IMPA2: variants seen among roughly 807,000 people sequenced by gnomAD.
IMPA2 encodes the protein inositol monophosphatase 2.
Under a neutral mutation model 35.1 loss-of-function variants are expected in IMPA2, and 32 were observed. The observed-to-expected ratio is 0.91, with a 90% CI of 0.69 to 1.23. The LOEUF (loss-of-function observed/expected upper bound fraction) is 1.23, where lower values mean the gene tolerates loss of function less well. Among genes scored for constraint, IMPA2 ranks in the 50% most tolerant of loss-of-function variants. The probability of loss-of-function intolerance (pLI) is 0.00; values close to 1 mark genes in which losing one functional copy is unlikely to be tolerated. For missense variants in IMPA2, 334 were observed against 387.6 expected, an observed-to-expected ratio of 0.86 and a Z score of 1.16; for synonymous variants, 135 against 160.6, an observed-to-expected ratio of 0.84 and a Z score of 1.20.
intron 4 of IMPA2, 146 bp downstream of exon 4, chr18:12,012,361 A>C: frequency 1.4e-6 from 1 of 711,410 alleles, no homozygotes; most frequent in Non-Finnish European, 2.4e-6. Context: ...TGGGTTTCAA[A>C]TCCGAGAAAA....
intron 2 of IMPA2, 39 bp from the exon 3 acceptor site, chr18:12,009,844 C>T: frequency 6.7e-7 from 1 of 1,503,396 alleles, no homozygotes; most frequent in Non-Finnish European, 9.3e-7. Flanking sequence ...TATTCTGTGT[C>T]CTTGGTGCAT....
Position 12,030,337 on chromosome 18 carries a change from C to T in IMPA2, c.752-6C>T. 6.2e-7 allele frequency: 1 copy of T among 1,612,000 alleles called. No homozygotes were observed. Among genetic ancestry groups the T allele is most frequent in the Non-Finnish European group, 8.5e-7 (1 of 1,178,020 alleles). On this transcript the variant is annotated splice_polypyrimidine_tract_variant and splice_region_variant and intron_variant, in intron 7 of 7. Transcript: ENST00000269159. ...CGGATGCCTGGCTCTCTCTGTCTGT[C>T]CCCAGGTGGACCCCTCGACCTCATG...
intron 5 of IMPA2, among the ~76,000 whole-genome samples, chr18:12,025,648 T>C (rs934808512): frequency 1.1e-4 from 17 of 152,238 alleles, no homozygotes; most frequent in African/African-American, 4.1e-4. Flanking sequence ...GGTGTGATCT[T>C]GGCTAACCGC....
chr18:11,983,286 C>T (rs1397871978), intron 1 of IMPA2, among the ~76,000 whole-genome samples: 1 of 152,206 alleles, frequency 6.6e-6, no homozygotes, highest in Non-Finnish European at 1.5e-5. Context: ...AACACGGGTT[C>T]TCCTTCCATC....
chr18:12,030,638 G>C lies in IMPA2; in HGVS notation c.*180G>C, dbSNP rs1908024468. 6.8e-6 allele frequency: 4 copies of C among 589,648 alleles called. No individual in the cohort carries two copies. Among genetic ancestry groups the C allele is most frequent in the Non-Finnish European group, 9.1e-6 (3 of 330,948 alleles). 36.5% of individuals were successfully genotyped at this position (589,648 alleles called of 1,614,324 possible). On this transcript the variant is annotated 3_prime_UTR_variant, in exon 8 of 8. Coordinates refer to ENST00000269159, the MANE Select transcript of IMPA2 (RefSeq NM_014214.3). ...TTTAAATCGACGTCTCTCTCACCAG[G>C]ATTTGGTGTTTAGCTGTTTCTCTCT... is the stretch of plus-strand genomic sequence containing the variant.
In IMPA2 at chr18:11,999,193, T is replaced by C; in HGVS notation, c.230+6T>C. On this transcript the variant is annotated splice_donor_region_variant and intron_variant, in intron 2 of 7. Coordinates refer to ENST00000269159, the MANE Select transcript of IMPA2 (RefSeq NM_014214.3). ...GAGAGGTTTCCTTCACACAGGTAGGTGTACTCCTCTGGGAAACACCCCCAG... is the reference window on the plus strand; with the variant it reads ...GAGAGGTTTCCTTCACACAGGTAGGCGTACTCCTCTGGGAAACACCCCCAG... 1 of 1,612,304 alleles carries C rather than the reference T, an allele frequency of 6.2e-7. No homozygotes were observed. Among genetic ancestry groups the C allele is most frequent in the Non-Finnish European group, 8.5e-7 (1 of 1,179,018 alleles).
intron 2 of IMPA2, among the ~76,000 whole-genome samples, chr18:12,008,865 G>A (rs1338094289): frequency 2.0e-5 from 3 of 152,164 alleles, no homozygotes; most frequent in Admixed American, 1.3e-4. Flanking sequence ...ATTGTAGGGG[G>A]CCTTGTTTGC....
intron 1 of IMPA2, among the ~76,000 whole-genome samples, chr18:11,985,060 C>G (rs1906624890): frequency 6.7e-6 from 1 of 149,430 alleles, no homozygotes; most frequent in East Asian, 2.0e-4. Context: ...AGGAGAATCC[C>G]TAGAACCTGG....
Position 11,991,659 on chromosome 18 carries a change from C to T in IMPA2, c.97-7395C>T, listed in dbSNP as rs989941456. Among the ~76,000 whole-genome samples, 1 of 152,138 alleles carries T rather than the reference C, an allele frequency of 6.6e-6. No homozygotes were observed. The highest frequency in any genetic ancestry group is 6.5e-5 in the Admixed American group (1 of 15,272). ...ATGTTCCAGTTTGAAGGCCATAGGG[C>T]AGGAAGAGTTGTTCATGTGGACAGA... On this transcript the variant is annotated intron_variant, in intron 1 of 7. Coordinates refer to ENST00000269159, the MANE Select transcript of IMPA2 (RefSeq NM_014214.3). This position sits in a 1 kb window ranked among gnomAD's most constrained non-coding sequence, Gnocchi z 4.1.
intron 1 of IMPA2, among the ~76,000 whole-genome samples, chr18:11,990,916 C>T (rs919925419): frequency 1.4e-4 from 22 of 152,214 alleles, no homozygotes; most frequent in African/African-American, 5.3e-4. Flanking sequence ...ATAATTTTTG[C>T]TGTCCTCAGA....
chr18:12,016,982 G>A (rs1048105216), intron 5 of IMPA2, among the ~76,000 whole-genome samples: 6 of 152,114 alleles, frequency 3.9e-5, no homozygotes, highest in African/African-American at 1.4e-4. Context: ...GTTTCTGGAG[G>A]ACACAGTCAT....
At chr18:11,995,581 T>C (rs1167548174) in intron 1 of IMPA2, among the ~76,000 whole-genome samples, 2 of 152,176 alleles carry the variant, frequency 1.3e-5, no homozygotes, top group Non-Finnish European at 2.9e-5. Context: ...ATCCACATAG[T>C]GACAGGGCGC....
At chr18:11,999,906 G>A (rs1047698980) in intron 2 of IMPA2, among the ~76,000 whole-genome samples, 8 of 152,188 alleles carry the variant, frequency 5.3e-5, no homozygotes, top group African/African-American at 1.4e-4. Context: ...AACTCTGGGG[G>A]GCTCTAAGGC....
intron 7 of IMPA2, among the ~76,000 whole-genome samples, 157 bp downstream of exon 7, chr18:12,029,150 G>A (rs543155320): frequency 7.7e-6 from 1 of 129,414 alleles, no homozygotes; most frequent in African/African-American, 3.0e-5. Context: ...GGGTCTTGGT[G>A]TCACACAGGA....
Position 12,014,465 on chromosome 18 carries a change from G to A in IMPA2, c.490+92G>A, listed in dbSNP as rs1907523692. 2.1e-5 allele frequency: 15 copies of A among 712,542 alleles called. No homozygotes were observed. The South Asian group carries it at 2.7e-4, about 13-fold the overall frequency. The allele number at this position is 712,542 out of a possible 1,614,324, so 44.1% of individuals were successfully genotyped here. On this transcript the variant is annotated intron_variant, in intron 5 of 7. Transcript: ENST00000269159. ...CACCATGATGTGGGACGGTGGTGGA[G>A]GTCCCTTGCTGATGGTGTCATCTCT...
intron 2 of IMPA2, among the ~76,000 whole-genome samples, chr18:12,000,857 C>T (rs936048807): frequency 3.3e-5 from 5 of 150,856 alleles, no homozygotes; most frequent in Admixed American, 6.6e-5. Context: ...CCTCATGATC[C>T]GCCCGCCTCG....
chr18:11,990,144 TC>T (rs1318536856), intron 1 of IMPA2, among the ~76,000 whole-genome samples: 2 of 152,126 alleles, frequency 1.3e-5, no homozygotes, highest in African/African-American at 4.8e-5. Flanking sequence ...GGATCCTGTG[TC>T]CGTTGTCCCA....
At chr18:12,029,116 T>TG (rs1907972064) in intron 7 of IMPA2, 123 bp downstream of exon 7, 6 of 881,608 alleles carry the variant, frequency 6.8e-6, no homozygotes, top group Admixed American at 3.1e-5. Context: ...CTGTTTTTTT[T>TG]TTTTTTTTTT....
Position 12,030,423 on chromosome 18 carries a change from C to T in IMPA2, c.832C>T (p.Gln278Ter). The change falls in exon 8 of 8, where the codon CAG becomes TAG. Residue 278 changes from glutamine to a stop codon, truncating the protein, a stop_gained. Coordinates refer to ENST00000269159, the MANE Select transcript of IMPA2 (RefSeq NM_014214.3). LOFTEE classifies it high-confidence loss of function. ...GGCGATGCTCATAGCTCAGGCCTTA[C>T]AGACGATTAACTATGGGCGGGATGA... ...EMAMLIAQALQTINYGRDDEK is the reference protein window; with the variant it reads ...EMAMLIAQAL 6.2e-7 allele frequency: 1 copy of T among 1,614,224 alleles called. No individual in the cohort carries two copies. The highest frequency in any genetic ancestry group is 8.5e-7 in the Non-Finnish European group (1 of 1,180,028).
Sources: allele counts gnomAD v4.1 joint callset (sites outside exome capture counted in the v4.1 genomes callset), GRCh38; gene constraint gnomAD v4.1.1; non-coding constraint Gnocchi (gnomAD v3.1); transcripts MANE v1.5; gene names NCBI Gene and HGNC (gene_info 2026-07-23, HGNC 2026-07-21).